The following SDK1 variants were observed in gnomAD, a reference collection of about 807,000 sequenced individuals.
SDK1 encodes the protein sidekick cell adhesion molecule 1, also known as protein sidekick-1.
Under a neutral mutation model 245.5 loss-of-function variants are expected in SDK1, and 157 were observed. The ratio of observed to expected loss-of-function variants is 0.64; its 90% CI spans 0.56 to 0.73. The LOEUF is 0.73. Among genes scored for constraint, SDK1 ranks in the 30% least tolerant of loss-of-function variants. The pLI, the probability that SDK1 is intolerant of heterozygous loss-of-function variation, is 0.00. For missense variants in SDK1, 3,583 were observed against 3,002.3 expected, an observed-to-expected ratio of 1.19 and a Z score of -4.52; for synonymous variants, 1,647 against 1,278.5, an observed-to-expected ratio of 1.29 and a Z score of -6.15.
At chr7:3,641,876 C>T (rs912696114) in intron 3 of SDK1, 82 bp from the exon 4 acceptor site, 2 of 1,161,024 alleles carry the variant, frequency 1.7e-6, no homozygotes, top group African/African-American at 1.5e-5. Flanking sequence ...TTTACTGTAA[C>T]ACTTACCTGT....
At chr7:4,131,502 A>G (rs1173401751) in intron 27 of SDK1, among the ~76,000 whole-genome samples, 1 of 152,228 alleles carries the variant, frequency 6.6e-6, no homozygotes, top group African/African-American at 2.4e-5. Context: ...AGCCAGGGAC[A>G]GACGTCAGCG....
At chr7:3,314,082 G>T (rs1199433227) in intron 1 of SDK1, among the ~76,000 whole-genome samples, 1 of 152,148 alleles carries the variant, frequency 6.6e-6, no homozygotes, top group Non-Finnish European at 1.5e-5. Flanking sequence ...GCGCCAATGT[G>T]CAGATGACCC....
intron 1 of SDK1, among the ~76,000 whole-genome samples, chr7:3,406,626 A>C (rs950235797): frequency 2.6e-5 from 4 of 152,194 alleles, no homozygotes; most frequent in African/African-American, 9.7e-5. Context: ...TTTATCATCC[A>C]GACCAGGGCA....
chr7:4,249,284 G>A (rs1020554180), intron 44 of SDK1, among the ~76,000 whole-genome samples: 1 of 152,208 alleles, frequency 6.6e-6, no homozygotes, highest in Non-Finnish European at 1.5e-5. Context: ...TGGAGAGGCA[G>A]ACCTCAGCAT....
At chr7:3,416,787 C>T (rs1278628192) in intron 1 of SDK1, among the ~76,000 whole-genome samples, 1 of 152,080 alleles carries the variant, frequency 6.6e-6, no homozygotes, top group Non-Finnish European at 1.5e-5. Context: ...TCGAATAAAG[C>T]CCATGTTCTG....
Position 3,930,249 on chromosome 7 carries a change from AC to A in SDK1, c.848-20672del, listed in dbSNP as rs370202883. Among the ~76,000 whole-genome samples, 1,389 of 152,284 alleles carry A rather than the reference AC, an allele frequency of 9.1e-3. 23 individuals carry two copies. The highest frequency in any genetic ancestry group is 0.032 in the African/African-American group (1,330 of 41,552). ...TCAGGAACAAGGAGCTGAGTAACTC[AC>A]CACGTGCTGGAAAACATGCCCTTTT... On this transcript the variant is annotated intron_variant, in intron 5 of 44. Coordinates refer to ENST00000404826, the MANE Select transcript of SDK1 (RefSeq NM_152744.4).
chr7:3,301,621 G>A lies in SDK1; in HGVS notation c.35G>A (p.Gly12Asp). The A allele has an allele frequency of 1.0e-6, 1 of 971,564 alleles. No homozygotes were observed. Among genetic ancestry groups the A allele is most frequent in the African/African-American group, 1.8e-5 (1 of 56,112 alleles). The allele number at this position is 971,564 out of a possible 1,614,324, so 60.2% of individuals were successfully genotyped here. A position where few individuals can be genotyped will look rare whatever the true frequency, so the allele number is the denominator to read the frequency against. The stretch of plus-strand genomic sequence containing the variant: ...GGCGCCCGGCCCTCGGCGGCCGGTG[G>A]CGGCGGCGGCGGCGCGGAGCCCCCT... ...ARGARPSAAG[G>D]GGGGAEPPER... The change falls in exon 1 of 45, where the codon GGC becomes GAC. Residue 12 changes from glycine (G) to aspartate (D), a missense_variant. By Grantham distance (94) the Gly-to-Asp change is moderately conservative (BLOSUM62 -1). Transcript: ENST00000404826.
intron 1 of SDK1, among the ~76,000 whole-genome samples, chr7:3,506,645 TC>T (rs1782401251): frequency 6.6e-6 from 1 of 152,172 alleles, no homozygotes; most frequent in African/African-American, 2.4e-5. Flanking sequence ...ACAGTCTTCC[TC>T]CCCCTGCTCC....
At chr7:4,209,499 T>C (rs1784403380) in intron 37 of SDK1, among the ~76,000 whole-genome samples, 1 of 151,862 alleles carries the variant, frequency 6.6e-6, no homozygotes, top group Non-Finnish European at 1.5e-5. Context: ...TTCCACCAGC[T>C]CCCTCCCCGC....
intron 1 of SDK1, among the ~76,000 whole-genome samples, chr7:3,591,402 G>A (rs531625276): frequency 1.6e-4 from 24 of 152,308 alleles, no homozygotes; most frequent in East Asian, 5.8e-4. Context: ...ATCACTGGCC[G>A]CCTAGGGGAG....
At chr7:3,455,761 T>G (rs1304692822) in intron 1 of SDK1, among the ~76,000 whole-genome samples, 1 of 152,222 alleles carries the variant, frequency 6.6e-6, no homozygotes, top group Non-Finnish European at 1.5e-5. Context: ...CTATTCTAGG[T>G]TCTTTGCCTT....
intron 43 of SDK1, among the ~76,000 whole-genome samples, chr7:4,245,260 A>C (rs1350971226): frequency 2.0e-5 from 3 of 151,516 alleles, no homozygotes; most frequent in African/African-American, 7.3e-5. Context: ...GACAATTCCC[A>C]CTCCTTAGCA....
At chr7:3,985,966 G>A (rs1182222326) in intron 13 of SDK1, among the ~76,000 whole-genome samples, 3 of 152,210 alleles carry the variant, frequency 2.0e-5, no homozygotes, top group South Asian at 2.1e-4. Flanking sequence ...GCTGGTTAGC[G>A]GTGACCCGGG....
intron 40 of SDK1, among the ~76,000 whole-genome samples, chr7:4,232,407 C>CTTTTTTT (rs201396862): frequency 0.013 from 931 of 72,832 alleles, 27 homozygotes; most frequent in Non-Finnish European, 0.018. Context: ...CTTTTCTTTT[C>CTTTTTTT]TTTCTTTTTT....
In SDK1 at chr7:4,120,396, G is replaced by T. The variant is rs969634065; in HGVS notation, c.3823+6122G>T. On this transcript the variant is annotated intron_variant, in intron 25 of 44. Transcript: ENST00000404826. The stretch of plus-strand genomic sequence containing the variant: ...GAGTGAAAGGCAAATAATCACAAAG[G>T]CAAGACCATTTGACTGAGGTGACTA... 5.4e-5 allele frequency among the ~76,000 whole-genome samples: 8 copies of T among 148,564 alleles called. 1 individual carries two copies. Among genetic ancestry groups the T allele is most frequent in the Non-Finnish European group, 1.5e-5 (1 of 66,592 alleles).
At chr7:3,489,458 T>A (rs899158803) in intron 1 of SDK1, among the ~76,000 whole-genome samples, 1 of 152,164 alleles carries the variant, frequency 6.6e-6, no homozygotes, top group Admixed American at 6.5e-5. Context: ...ATATATATAT[T>A]TTTACCATTT....
At chr7:3,764,895 C>G (rs925650200) in intron 4 of SDK1, among the ~76,000 whole-genome samples, 1 of 151,854 alleles carries the variant, frequency 6.6e-6, no homozygotes, top group Non-Finnish European at 1.5e-5. Flanking sequence ...ATAAAAAGTG[C>G]CATACTTTTA....
chr7:3,781,926 G>T (rs921462690), intron 4 of SDK1, among the ~76,000 whole-genome samples: 1 of 152,174 alleles, frequency 6.6e-6, no homozygotes, highest in African/African-American at 2.4e-5. Flanking sequence ...TATGAACACT[G>T]TCAAGAGATG....
At chr7:3,849,604 C>G (rs1279872766) in intron 5 of SDK1, among the ~76,000 whole-genome samples, 1 of 152,138 alleles carries the variant, frequency 6.6e-6, no homozygotes, top group Non-Finnish European at 1.5e-5. Context: ...TTGGAAGATC[C>G]TGTGAGCCTT....
Sources: gnomAD v4.1 joint callset for allele counts (sites outside exome capture counted in the v4.1 genomes callset) on GRCh38, gnomAD v4.1.1 for gene constraint, MANE v1.5 for transcripts, NCBI Gene and HGNC (gene_info 2026-07-23, HGNC 2026-07-21) for gene names.